ADGRG6: variants seen among roughly 807,000 people sequenced by gnomAD.
ADGRG6 encodes G-protein coupled receptor 126.
Under a neutral mutation model 142.4 loss-of-function variants are expected in ADGRG6, and 84 were observed. The observed-to-expected ratio is 0.59, with a 90% confidence interval of 0.49 to 0.71. The LOEUF is 0.71. Among genes scored for constraint, ADGRG6 ranks in the 30% least tolerant of loss-of-function variants. The pLI, the probability that ADGRG6 is intolerant of heterozygous loss-of-function variation, is 0.00. For synonymous variants in ADGRG6, 521 were observed against 520.5 expected, an observed-to-expected ratio of 1.00 and a Z score of -0.01; for missense variants, 1,367 against 1,466.6, an observed-to-expected ratio of 0.93 and a Z score of 1.11.
chr6:142,303,657 A>G (rs1777338467), intron 1 of ADGRG6, among the ~76,000 whole-genome samples: 1 of 152,248 alleles, frequency 6.6e-6, no homozygotes, highest in Non-Finnish European at 1.5e-5. Flanking sequence ...ATTTTGAAGT[A>G]ATATGAGCTT....
intron 4 of ADGRG6, among the ~76,000 whole-genome samples, chr6:142,374,169 G>A (rs187960444): frequency 6.6e-6 from 1 of 152,072 alleles, no homozygotes; most frequent in Admixed American, 6.6e-5. Context: ...GAGAACATTT[G>A]CCACCCCCTG....
chr6:142,416,139 A>AT lies in ADGRG6; in HGVS notation c.2938+78dup, dbSNP rs539475867. ...CCAGATTCTCATAGGAAAAAATCTTATTTAAAAAAAAATAGTACCATTAAG... is the reference window on the plus strand; with the variant it reads ...CCAGATTCTCATAGGAAAAAATCTTATTTTAAAAAAAAATAGTACCATTAAG... On this transcript the variant is annotated intron_variant, in intron 20 of 24. Transcript: ENST00000367609. 9.8e-4 allele frequency: 1,087 copies of AT among 1,105,882 alleles called. 6 individuals are homozygous for AT. In the African/African-American group the frequency reaches 0.015, roughly 15 times the overall value. 68.5% of individuals were successfully genotyped at this position (1,105,882 alleles called of 1,614,324 possible). A position where few individuals can be genotyped will look rare whatever the true frequency, so the allele number is the denominator to read the frequency against.
rs767097420 is a variant in ADGRG6 at position 142,415,114 on chromosome 6, C to T, written c.2669+18C>T. The T allele has an allele frequency of 4.4e-6, 7 of 1,597,684 alleles. No individual in the cohort carries two copies. The highest frequency in any genetic ancestry group is 4.0e-5 in the African/African-American group (3 of 74,082). ...GCTTTTGAGTAAGTATATTTTTAAT[C>T]TGCCAAACCCATTGCTAACTGTTCC... is the stretch of plus-strand genomic sequence containing the variant. On this transcript the variant is annotated intron_variant, in intron 19 of 24. Transcript: ENST00000367609.
chr6:142,319,273 A>G (rs1778401975), intron 2 of ADGRG6, among the ~76,000 whole-genome samples: 1 of 152,134 alleles, frequency 6.6e-6, no homozygotes, highest in South Asian at 2.1e-4. Context: ...TAGATCAGAA[A>G]TACCTTCTTT....
Position 142,317,829 on chromosome 6 carries a change from T to G in ADGRG6, c.103+8185T>G, listed in dbSNP as rs866861361. On this transcript the variant is annotated intron_variant, in intron 2 of 24. Transcript: ENST00000367609. ...ATATATTTATATATATTAATTTATA[T>G]TATATATATTTATATATAATATATA... 9.0e-3 allele frequency among the ~76,000 whole-genome samples: 782 copies of G among 86,486 alleles called. 16 individuals are homozygous for G. Among genetic ancestry groups the G allele is most frequent in the African/African-American group, 0.037 (744 of 20,360 alleles). The allele number at this position is 86,486 out of a possible 152,430, so 56.7% of individuals were successfully genotyped here.
chr6:142,318,558 A>G (rs1778357178), intron 2 of ADGRG6, among the ~76,000 whole-genome samples: 1 of 149,434 alleles, frequency 6.7e-6, no homozygotes, highest in African/African-American at 2.5e-5. Flanking sequence ...ATGCAGTGTG[A>G]TGTGCGATTT....
intron 4 of ADGRG6, 171 bp downstream of exon 4, chr6:142,370,964 T>C (rs1004731513): frequency 1.5e-6 from 1 of 651,346 alleles, no homozygotes; most frequent in East Asian, 2.8e-5. Context: ...TAAAATGTCG[T>C]CTGCTCAGCT....
intron 3 of ADGRG6, among the ~76,000 whole-genome samples, chr6:142,368,503 A>G (rs1420693447): frequency 6.6e-6 from 1 of 152,090 alleles, no homozygotes; most frequent in African/African-American, 2.4e-5. Context: ...GTGTTTCCCT[A>G]AAGAAACTCA....
intron 2 of ADGRG6, 93 bp from the exon 3 acceptor site, chr6:142,367,476 C>T: frequency 1.4e-6 from 1 of 737,970 alleles, no homozygotes; most frequent in Non-Finnish European, 2.2e-6. Context: ...TAAATATTTA[C>T]TGCTTGATTG....
At chr6:142,374,787 A>C (rs1781418887) in intron 4 of ADGRG6, among the ~76,000 whole-genome samples, 1 of 152,230 alleles carries the variant, frequency 6.6e-6, no homozygotes, top group South Asian at 2.1e-4. Context: ...AAATTATTTT[A>C]ATTGATTGAT....
intron 22 of ADGRG6, among the ~76,000 whole-genome samples, chr6:142,432,880 C>T (rs1415619056): frequency 6.6e-6 from 1 of 152,076 alleles, no homozygotes; most frequent in Admixed American, 6.6e-5. Flanking sequence ...ATATAGCATA[C>T]AGAAAGACTA....
chr6:142,358,305 G>C (rs756471386), intron 2 of ADGRG6, among the ~76,000 whole-genome samples: 3 of 152,086 alleles, frequency 2.0e-5, no homozygotes, highest in Non-Finnish European at 2.9e-5. Context: ...CTTTCTTTAG[G>C]TATAATAAAA....
intron 2 of ADGRG6, among the ~76,000 whole-genome samples, chr6:142,359,946 T>A (rs193016300): frequency 4.6e-4 from 70 of 152,298 alleles, no homozygotes; most frequent in Non-Finnish European, 8.8e-4. Context: ...ATGTGGAAGA[T>A]GAGTTAGTTG....
intron 22 of ADGRG6, among the ~76,000 whole-genome samples, chr6:142,435,546 C>T (rs1777443494): frequency 2.0e-5 from 3 of 151,338 alleles, no homozygotes; most frequent in Non-Finnish European, 1.5e-5. Flanking sequence ...TTAGAGTATA[C>T]ATGTAAGCAT....
At chr6:142,314,971 AGTGTGTGTGTGTGTGT>A (rs58848776) in intron 2 of ADGRG6, among the ~76,000 whole-genome samples, 13 of 145,086 alleles carry the variant, frequency 9.0e-5, no homozygotes, top group Non-Finnish European at 1.4e-4. Flanking sequence ...CCAATCATGG[AGTGTGTGTGTGTGTGT>A]GTGTGTGTGT....
At chr6:142,383,987 A>G (rs1361744077) in intron 6 of ADGRG6, 144 bp downstream of exon 6, 5 of 592,512 alleles carry the variant, frequency 8.4e-6, no homozygotes, top group South Asian at 4.2e-5. Flanking sequence ...TAGTAAAATT[A>G]ATAAAGATCA....
intron 2 of ADGRG6, among the ~76,000 whole-genome samples, chr6:142,323,232 G>T (rs187212105): frequency 3.3e-5 from 5 of 151,816 alleles, no homozygotes; most frequent in South Asian, 4.2e-4. Context: ...GATGGCTTGC[G>T]GGTTATACAA....
intron 22 of ADGRG6, among the ~76,000 whole-genome samples, chr6:142,429,539 G>C (rs1362590467): frequency 6.6e-6 from 1 of 152,158 alleles, no homozygotes; most frequent in African/African-American, 2.4e-5. Flanking sequence ...TTTCCAGAGA[G>C]AGCCATAAAC....
At chr6:142,434,257 C>G (rs911419090) in intron 22 of ADGRG6, among the ~76,000 whole-genome samples, 1 of 150,996 alleles carries the variant, frequency 6.6e-6, no homozygotes, top group Non-Finnish European at 1.5e-5. Flanking sequence ...AAATATAATG[C>G]ACTATTACTT....
Sources: gnomAD v4.1 joint callset for allele counts (sites outside exome capture counted in the v4.1 genomes callset) on GRCh38, gnomAD v4.1.1 for gene constraint, MANE v1.5 for transcripts, NCBI Gene and HGNC (gene_info 2026-07-23, HGNC 2026-07-21) for gene names.